The following TMC1 variants were observed in gnomAD, a reference collection of about 807,000 sequenced individuals.
TMC1 encodes the protein transmembrane channel-like protein 1.
TMC1 carries 84 observed loss-of-function variants against 105.8 expected under a neutral mutation model. The observed-to-expected ratio is 0.79, with a 90% CI of 0.67 to 0.95. The LOEUF (loss-of-function observed/expected upper bound fraction) is 0.95, where lower values mean the gene tolerates loss of function less well. Ranked by LOEUF, TMC1 falls within the 40% of genes least tolerant of loss-of-function variation. The probability of loss-of-function intolerance (pLI) is 0.00; values close to 1 mark genes in which losing one functional copy is unlikely to be tolerated. For missense variants in TMC1, 817 were observed against 914.1 expected, an observed-to-expected ratio of 0.89 and a Z score of 1.37; for synonymous variants, 315 against 311.5, an observed-to-expected ratio of 1.01 and a Z score of -0.12.
chr9:72,765,548 A>G (rs918342644), intron 12 of TMC1, among the ~76,000 whole-genome samples: 2 of 151,374 alleles, frequency 1.3e-5, no homozygotes, highest in African/African-American at 4.9e-5. Flanking sequence ...TGGAGGCATG[A>G]GATAGTGCTA....
chr9:72,577,192 G>A (rs1011055493), intron 1 of TMC1, among the ~76,000 whole-genome samples: 1 of 152,046 alleles, frequency 6.6e-6, no homozygotes, highest in African/African-American at 2.4e-5. Context: ...TCCTCTTCCT[G>A]TTAGAACTTC....
At chr9:72,834,302 TA>T (rs763967875) in intron 23 of TMC1, among the ~76,000 whole-genome samples, 4 of 152,190 alleles carry the variant, frequency 2.6e-5, no homozygotes, top group Non-Finnish European at 5.9e-5. Flanking sequence ...TTGCCTTTGA[TA>T]GTCTGTTTTC....
At chr9:72,813,974 G>A (rs749596304) in intron 18 of TMC1, among the ~76,000 whole-genome samples, 53 of 152,118 alleles carry the variant, frequency 3.5e-4, no homozygotes, top group Non-Finnish European at 6.5e-4. Flanking sequence ...TGCAAACACA[G>A]CAGGAAGCTA....
chr9:72,758,886 C>A (rs780746886), intron 12 of TMC1, among the ~76,000 whole-genome samples: 2 of 149,956 alleles, frequency 1.3e-5, no homozygotes, highest in African/African-American at 2.5e-5. Flanking sequence ...TATGATATTT[C>A]TATTTATTTA....
chr9:72,834,703 A>G (rs1564586441), intron 23 of TMC1, among the ~76,000 whole-genome samples: 1 of 152,104 alleles, frequency 6.6e-6, no homozygotes, highest in South Asian at 2.1e-4. Flanking sequence ...ACCCAGAAGC[A>G]TCTCTGTTTT....
intron 1 of TMC1, among the ~76,000 whole-genome samples, chr9:72,526,204 G>A (rs954218268): frequency 1.3e-5 from 2 of 151,860 alleles, no homozygotes; most frequent in African/African-American, 4.8e-5. Flanking sequence ...ATTGCAGTTA[G>A]CCTTGTCTGG....
chr9:72,751,096 C>T (rs184677558), intron 10 of TMC1, among the ~76,000 whole-genome samples: 54 of 152,318 alleles, frequency 3.5e-4, no homozygotes, highest in African/African-American at 1.3e-3. Context: ...ATCTCTATCT[C>T]CTGTCATCTA....
At chr9:72,600,480 A>G (rs888085196) in intron 2 of TMC1, among the ~76,000 whole-genome samples, 1 of 152,166 alleles carries the variant, frequency 6.6e-6, no homozygotes, top group Non-Finnish European at 1.5e-5. Flanking sequence ...TTTTTCTACC[A>G]TATCTTTGGC....
At chr9:72,798,648 G>A (rs1285824399) in intron 17 of TMC1, among the ~76,000 whole-genome samples, 2 of 151,992 alleles carry the variant, frequency 1.3e-5, no homozygotes, top group African/African-American at 4.8e-5. Context: ...ACTCATGAAC[G>A]CAAAGAAGGA....
chr9:72,677,539 T>G (rs945072926), intron 5 of TMC1, among the ~76,000 whole-genome samples: 1 of 152,156 alleles, frequency 6.6e-6, no homozygotes, highest in African/African-American at 2.4e-5. Context: ...TTCTTACTAA[T>G]CCGTGCATTC....
chr9:72,810,993 C>T (rs1828694067), intron 18 of TMC1, among the ~76,000 whole-genome samples: 1 of 152,098 alleles, frequency 6.6e-6, no homozygotes. Context: ...TCTGTAGAGA[C>T]TCTGCAGATT....
At chr9:72,757,428 A>T (rs1183659338) in intron 12 of TMC1, among the ~76,000 whole-genome samples, 1 of 152,242 alleles carries the variant, frequency 6.6e-6, no homozygotes, top group Non-Finnish European at 1.5e-5. Context: ...CAGATAGCTC[A>T]GAGTATGTAG....
Position 72,836,133 on chromosome 9 carries a change from TCCTA to T in TMC1, c.*164_*167del, listed in dbSNP as rs748666879. 1 of 812,252 alleles carries T rather than the reference TCCTA, an allele frequency of 1.2e-6. No homozygotes were observed. The highest frequency in any genetic ancestry group is 2.1e-6 in the Non-Finnish European group (1 of 468,696). 50.3% of individuals were successfully genotyped at this position (812,252 alleles called of 1,614,324 possible). A position where few individuals can be genotyped will look rare whatever the true frequency, so the allele number is the denominator to read the frequency against. On this transcript the variant is annotated 3_prime_UTR_variant, in exon 24 of 24. Coordinates refer to ENST00000297784, the MANE Select transcript of TMC1 (RefSeq NM_138691.3). ...TGCTGGCCAATTAAGGCATCATCAG[TCCTA>T]CCTGAGCAACAAGAATCTAAACTTT...
intron 2 of TMC1, among the ~76,000 whole-genome samples, chr9:72,598,026 C>T (rs1367284771): frequency 1.3e-5 from 2 of 151,486 alleles, no homozygotes; most frequent in Non-Finnish European, 3.0e-5. Context: ...CTTCACTGCA[C>T]ATTTGATAAC....
At chr9:72,639,869 A>G (rs1282892511) in intron 4 of TMC1, among the ~76,000 whole-genome samples, 2 of 152,170 alleles carry the variant, frequency 1.3e-5, no homozygotes, top group Non-Finnish European at 2.9e-5. Flanking sequence ...TTCGTTGTTC[A>G]TCTTTCTTAA....
chr9:72,561,715 T>C (rs1267045092), intron 1 of TMC1, among the ~76,000 whole-genome samples: 1 of 152,206 alleles, frequency 6.6e-6, no homozygotes, highest in Non-Finnish European at 1.5e-5. Context: ...GGTAGTGAGT[T>C]CAGAACTGGG....
intron 1 of TMC1, among the ~76,000 whole-genome samples, chr9:72,553,385 A>G (rs1008042580): frequency 2.6e-5 from 4 of 152,204 alleles, no homozygotes; most frequent in African/African-American, 9.6e-5. Flanking sequence ...AACCATCTCC[A>G]GATGAAGAAA....
intron 17 of TMC1, among the ~76,000 whole-genome samples, chr9:72,793,154 C>G (rs983559402): frequency 3.3e-5 from 5 of 152,220 alleles, no homozygotes; most frequent in Middle Eastern, 3.4e-3. Flanking sequence ...GACCCGGGAG[C>G]CTTAGATACC....
chr9:72,772,583 AAAT>A, intron 13 of TMC1, 28 bp downstream of exon 13: 1 of 1,613,508 alleles, frequency 6.2e-7, no homozygotes, highest in Non-Finnish European at 8.5e-7. Context: ...TTTGGGAAGC[AAAT>A]AATGATTTCT....
Sources: gnomAD v4.1 joint callset for allele counts (sites outside exome capture counted in the v4.1 genomes callset) on GRCh38, gnomAD v4.1.1 for gene constraint, MANE v1.5 for transcripts, NCBI Gene and HGNC (gene_info 2026-07-23, HGNC 2026-07-21) for gene names.